POLR1D: variants seen among roughly 807,000 people sequenced by gnomAD.
The protein encoded by POLR1D is DNA-directed RNA polymerases I and III subunit RPAC2.
Under a neutral mutation model 10.8 loss-of-function variants are expected in POLR1D, and 8 were observed. The observed-to-expected ratio is 0.74, with a 90% CI of 0.43 to 1.33. POLR1D has a LOEUF of 1.33. Ranked by LOEUF, POLR1D falls within the 40% of genes most tolerant of loss-of-function variation. The probability of loss-of-function intolerance (pLI) is 0.01; values close to 1 mark genes in which losing one functional copy is unlikely to be tolerated. For missense variants in POLR1D, 152 were observed against 161.7 expected (o/e 0.94, Z 0.32); for synonymous variants, 54 against 57.2 (o/e 0.94, Z 0.25).
chr13:27,627,727 G>GTTTTTTTTTTT (rs57621806), downstream of POLR1D, among the ~76,000 whole-genome samples: 23 of 95,422 alleles, frequency 2.4e-4, no homozygotes, highest in South Asian at 4.1e-4. Context: ...TAAAGTTTTA[G>GTTTTTTTTTTT]TTTTTTTTTT....
At chr13:27,629,900 CT>C (rs1566143511) in intron 1 of POLR1D, among the ~76,000 whole-genome samples, 2 of 151,858 alleles carry the variant, frequency 1.3e-5, no homozygotes, top group Non-Finnish European at 2.9e-5. Flanking sequence ...ATTAAAAAGA[CT>C]TTATTTATTT....
intron 2 of POLR1D, among the ~76,000 whole-genome samples, chr13:27,659,450 C>T (rs1956338105): frequency 6.6e-6 from 1 of 152,186 alleles, no homozygotes; most frequent in African/African-American, 2.4e-5. Context: ...ACGTATAGAA[C>T]ATGAAACCCA....
At chr13:27,626,879 A>G (rs1362305478), downstream of POLR1D, among the ~76,000 whole-genome samples, 1 of 152,242 alleles carries the variant, frequency 6.6e-6, no homozygotes, top group Non-Finnish European at 1.5e-5. Flanking sequence ...CATAATGCAC[A>G]GGTTCACACA....
intron 2 of POLR1D, among the ~76,000 whole-genome samples, chr13:27,657,279 T>G (rs1593293206): frequency 6.6e-6 from 1 of 152,150 alleles, no homozygotes; most frequent in South Asian, 2.1e-4. Context: ...CCAGTAATCC[T>G]AGCACTTTGG....
At chr13:27,658,541 A>G (rs934421929) in intron 2 of POLR1D, among the ~76,000 whole-genome samples, 3 of 152,186 alleles carry the variant, frequency 2.0e-5, no homozygotes, top group African/African-American at 7.2e-5. Flanking sequence ...AGTGAGTGGT[A>G]TTATTTTTTT....
At position 27,622,890 on chromosome 13, in the gene POLR1D, G is replaced by C; in HGVS notation, c.42G>C (p.Leu14Phe). The C allele has an allele frequency of 6.2e-7, 1 of 1,607,156 alleles. No homozygotes were observed. The highest frequency in any genetic ancestry group is 8.5e-7 in the Non-Finnish European group (1 of 1,173,698). ...ATGTGTGTAGAAAAATATCTGGATT[G>C]AAGACCTCAATGGCTGAAGGCGAGA... ...DQELERKISG[L>F]KTSMAEGERK... Residue 14 changes from leucine (L) to phenylalanine (F), a missense_variant, in exon 2 of 2, where the codon TTG becomes TTC. Physicochemically the swap from Leu to Phe is conservative, Grantham distance 22. Coordinates refer to ENST00000302979, the MANE Select transcript of POLR1D (RefSeq NM_015972.4).
At chr13:27,632,417 A>G (rs1429867032) in intron 1 of POLR1D, among the ~76,000 whole-genome samples, 1 of 152,252 alleles carries the variant, frequency 6.6e-6, no homozygotes, top group African/African-American at 2.4e-5. Flanking sequence ...GCCATTTACT[A>G]CAAATAGCAT....
chr13:27,659,261 G>A (rs776629434), intron 2 of POLR1D, among the ~76,000 whole-genome samples: 1 of 152,140 alleles, frequency 6.6e-6, no homozygotes, highest in Non-Finnish European at 1.5e-5. Context: ...CACTTTCCTG[G>A]CCTTAAAGTT....
intron 1 of POLR1D, among the ~76,000 whole-genome samples, chr13:27,633,288 T>C (rs1474778388): frequency 1.3e-5 from 2 of 152,214 alleles, no homozygotes; most frequent in Non-Finnish European, 2.9e-5. Flanking sequence ...CAAATTTGAC[T>C]GCAACGCATC....
At chr13:27,636,602 A>G (rs1956126486) in intron 1 of POLR1D, among the ~76,000 whole-genome samples, 1 of 152,226 alleles carries the variant, frequency 6.6e-6, no homozygotes, top group Non-Finnish European at 1.5e-5. Flanking sequence ...TAGGGGTCTA[A>G]TATTTCAAAT....
intron 1 of POLR1D, among the ~76,000 whole-genome samples, chr13:27,636,612 T>C (rs1178247956): frequency 6.6e-6 from 1 of 152,196 alleles, no homozygotes; most frequent in African/African-American, 2.4e-5. Flanking sequence ...ATATTTCAAA[T>C]GAGATGTGAA....
At chr13:27,659,318 G>C (rs1448472150) in intron 2 of POLR1D, among the ~76,000 whole-genome samples, 1 of 152,162 alleles carries the variant, frequency 6.6e-6, no homozygotes, top group African/African-American at 2.4e-5. Flanking sequence ...TGATCACAGT[G>C]TGGCATGCCA....
At chr13:27,626,148 A>T (rs577185370), downstream of POLR1D, among the ~76,000 whole-genome samples, 18 of 152,310 alleles carry the variant, frequency 1.2e-4, no homozygotes, top group South Asian at 3.1e-3. Context: ...AGGATTAAAA[A>T]CTTTTTTCCT....
At chr13:27,664,087 C>T (rs910313068) in intron 2 of POLR1D, among the ~76,000 whole-genome samples, 3 of 152,180 alleles carry the variant, frequency 2.0e-5, no homozygotes, top group Non-Finnish European at 2.9e-5. Context: ...ACCAAAGCAA[C>T]GCCTGCATTC....
chr13:27,623,479 C>A, downstream of POLR1D: 1 of 889,076 alleles, frequency 1.1e-6, no homozygotes, highest in Non-Finnish European at 1.5e-6. Context: ...TTCCATGCAA[C>A]CAAATGGTCC....
chr13:27,625,410 G>A (rs1260239785), downstream of POLR1D, among the ~76,000 whole-genome samples: 1 of 152,178 alleles, frequency 6.6e-6, no homozygotes, highest in Non-Finnish European at 1.5e-5. Context: ...AATTGGCACA[G>A]AATTGGTACA....
At chr13:27,621,404 C>G (rs1421571253), upstream of POLR1D, 3 of 152,440 alleles carry the variant, frequency 2.0e-5, no homozygotes, top group Non-Finnish European at 4.4e-5. Context: ...TCTGTGGTGA[C>G]TCATCTCGCA....
At chr13:27,655,513 C>G (rs564741737) in intron 2 of POLR1D, among the ~76,000 whole-genome samples, 1 of 152,046 alleles carries the variant, frequency 6.6e-6, no homozygotes, top group Non-Finnish European at 1.5e-5. Flanking sequence ...CTGGATTTGC[C>G]TTATTATGTT....
chr13:27,649,199 T>C (rs988356085), intron 2 of POLR1D, among the ~76,000 whole-genome samples: 28 of 152,302 alleles, frequency 1.8e-4, no homozygotes, highest in African/African-American at 6.0e-4. Flanking sequence ...TTAAAAAGAG[T>C]AAAATGTAAA....
Sources: allele counts gnomAD v4.1 joint callset (sites outside exome capture counted in the v4.1 genomes callset), GRCh38; gene constraint gnomAD v4.1.1; transcripts MANE v1.5; gene names NCBI Gene and HGNC (gene_info 2026-07-23, HGNC 2026-07-21).